Variants in NCKAP5 observed in about 807,000 individuals in gnomAD.
NCKAP5 encodes the protein nck-associated protein 5.
A neutral mutation model predicts 167.0 loss-of-function variants in NCKAP5; 92 were observed. That is an observed-to-expected ratio of 0.55 (90% CI 0.47 to 0.66). The LOEUF is 0.66. Among genes scored for constraint, NCKAP5 ranks in the 30% least tolerant of loss-of-function variants. NCKAP5 has a pLI of 0.00. For synonymous variants in NCKAP5, 891 were observed against 877.4 expected, an observed-to-expected ratio of 1.02 and a Z score of -0.27; for missense variants, 2,378 against 2,315.0, an observed-to-expected ratio of 1.03 and a Z score of -0.56.
chr2:133,319,795 T>C (rs1035099518), intron 3 of NCKAP5, among the ~76,000 whole-genome samples: 5 of 152,200 alleles, frequency 3.3e-5, no homozygotes, highest in South Asian at 2.1e-4. Context: ...AGGAAACTTA[T>C]GCAAATATTT....
chr2:133,391,951 G>T (rs913020240), intron 3 of NCKAP5, among the ~76,000 whole-genome samples: 4 of 152,180 alleles, frequency 2.6e-5, no homozygotes, highest in African/African-American at 7.2e-5. Flanking sequence ...CACAGCAGGG[G>T]TTACAACGTC....
chr2:133,036,012 G>A (rs904066451), intron 6 of NCKAP5, among the ~76,000 whole-genome samples: 13 of 151,636 alleles, frequency 8.6e-5, no homozygotes, highest in African/African-American at 2.4e-4. Flanking sequence ...CATATTGCAC[G>A]AATTTAAAGG....
At chr2:133,193,613 G>A (rs1001646382) in intron 5 of NCKAP5, among the ~76,000 whole-genome samples, 2 of 152,016 alleles carry the variant, frequency 1.3e-5, no homozygotes, top group South Asian at 2.1e-4. Flanking sequence ...ACTAGTAGTC[G>A]GTATAAAAAG....
chr2:132,857,517 T>C (rs77775947), intron 11 of NCKAP5, among the ~76,000 whole-genome samples: 220 of 152,312 alleles, frequency 1.4e-3, no homozygotes, highest in African/African-American at 5.2e-3. Flanking sequence ...TTGTTCAGTG[T>C]GATTTGAAAG....
chr2:133,209,807 G>T (rs2086124832), intron 5 of NCKAP5, among the ~76,000 whole-genome samples: 1 of 151,858 alleles, frequency 6.6e-6, no homozygotes, highest in Non-Finnish European at 1.5e-5. Context: ...CAGAGTAAAG[G>T]GTAGGCAGGT....
At chr2:132,888,275 C>T (rs1369836455) in intron 8 of NCKAP5, among the ~76,000 whole-genome samples, 1 of 152,136 alleles carries the variant, frequency 6.6e-6, no homozygotes, top group Non-Finnish European at 1.5e-5. Context: ...TGGATATATA[C>T]TGATGTATCT....
intron 12 of NCKAP5, among the ~76,000 whole-genome samples, chr2:132,793,245 C>T (rs1476941449): frequency 6.6e-6 from 1 of 152,182 alleles, no homozygotes; most frequent in African/African-American, 2.4e-5. Flanking sequence ...TCAACTGAGG[C>T]AGGTGATCCA....
intron 16 of NCKAP5, among the ~76,000 whole-genome samples, chr2:132,766,809 A>G (rs983761328): frequency 6.6e-6 from 1 of 152,182 alleles, no homozygotes; most frequent in East Asian, 1.9e-4. Context: ...AAGCTGCTCT[A>G]TTTGCTGACT....
upstream of NCKAP5, among the ~76,000 whole-genome samples, chr2:133,572,174 C>T: frequency 6.6e-6 from 1 of 152,186 alleles, no homozygotes; most frequent in Non-Finnish European, 1.5e-5. Context: ...CCTAAGGAGC[C>T]CTGGATCCCT....
chr2:133,281,157 T>A (rs2089921167), intron 4 of NCKAP5, among the ~76,000 whole-genome samples: 1 of 152,212 alleles, frequency 6.6e-6, no homozygotes, highest in South Asian at 2.1e-4. Flanking sequence ...TTTTAGCTAA[T>A]TAACTTTTGA....
chr2:133,377,655 A>T (rs1686238398), intron 3 of NCKAP5, among the ~76,000 whole-genome samples: 1 of 152,056 alleles, frequency 6.6e-6, no homozygotes, highest in South Asian at 2.1e-4. Context: ...GCTTCCAGTG[A>T]CCCCCTAATT....
intron 6 of NCKAP5, among the ~76,000 whole-genome samples, chr2:133,049,718 C>T (rs1483386808): frequency 6.6e-6 from 1 of 152,148 alleles, no homozygotes; most frequent in Non-Finnish European, 1.5e-5. Context: ...CAGAGATTCT[C>T]ATCCTGCTCA....
chr2:133,259,888 T>C (rs1037314516), intron 4 of NCKAP5, among the ~76,000 whole-genome samples: 1 of 152,172 alleles, frequency 6.6e-6, no homozygotes, highest in Admixed American at 6.5e-5. Context: ...CACATATTTA[T>C]TAAACACTTA....
the NCKAP5 span, among the ~76,000 whole-genome samples, chr2:133,637,177 T>C: frequency 6.6e-6 from 1 of 151,992 alleles, no homozygotes; most frequent in Non-Finnish European, 1.5e-5. Context: ...GCACTTCTCC[T>C]ACCACCAATA....
chr2:133,390,054 C>T (rs112824433), intron 3 of NCKAP5, among the ~76,000 whole-genome samples: 11 of 152,320 alleles, frequency 7.2e-5, no homozygotes, highest in African/African-American at 2.6e-4. Context: ...ATACCCACAA[C>T]TAAGGATGGC....
intron 6 of NCKAP5, among the ~76,000 whole-genome samples, chr2:133,120,911 T>C (rs2082230046): frequency 6.6e-6 from 1 of 152,206 alleles, no homozygotes. Flanking sequence ...TCTGGCTGCA[T>C]CTTTCTACTT....
At chr2:132,933,819 T>C (rs967164744) in intron 8 of NCKAP5, among the ~76,000 whole-genome samples, 1 of 152,162 alleles carries the variant, frequency 6.6e-6, no homozygotes, top group Non-Finnish European at 1.5e-5. Flanking sequence ...ATCATAAATG[T>C]ATTTTCAGAA....
chr2:133,096,368 G>T (rs554296769), intron 6 of NCKAP5, among the ~76,000 whole-genome samples: 7 of 151,934 alleles, frequency 4.6e-5, no homozygotes, highest in Non-Finnish European at 1.0e-4. Context: ...GTGCGCCTGT[G>T]TCCCAGCTAC....
intron 4 of NCKAP5, among the ~76,000 whole-genome samples, chr2:133,216,153 C>G (rs931831067): frequency 1.3e-5 from 2 of 152,194 alleles, no homozygotes; most frequent in East Asian, 3.9e-4. Context: ...TATTATTACA[C>G]TGTCAAAATC....
Sources: allele counts gnomAD v4.1 joint callset (sites outside exome capture counted in the v4.1 genomes callset), GRCh38; gene constraint gnomAD v4.1.1; transcripts MANE v1.5; gene names NCBI Gene and HGNC (gene_info 2026-07-23, HGNC 2026-07-21).